AKAP17A: variants seen among roughly 807,000 people sequenced by gnomAD.
AKAP17A encodes the protein A-kinase anchor protein 17A.
AKAP17A carries 15 observed loss-of-function variants against 52.2 expected under a neutral mutation model. That is an observed-to-expected ratio of 0.29 (90% confidence interval 0.19 to 0.44). The LOEUF (loss-of-function observed/expected upper bound fraction) is 0.44, where lower values mean the gene tolerates loss of function less well. AKAP17A is among the 20% of genes least tolerant of loss of function. AKAP17A has a pLI of 1.00. For synonymous variants in AKAP17A, 514 were observed against 424.7 expected, an observed-to-expected ratio of 1.21 and a Z score of -2.58; for missense variants, 1,060 against 1,007.0, an observed-to-expected ratio of 1.05 and a Z score of -0.71.
intron 3 of AKAP17A, among the ~76,000 whole-genome samples, chrX:1,598,159 C>T (rs1339299514): frequency 1.3e-5 from 2 of 152,192 alleles, no homozygotes; most frequent in Non-Finnish European, 2.9e-5. Context: ...GTGTGCTGGG[C>T]TGCCCTGAGC....
In AKAP17A at chrX:1,601,571, C is replaced by T. The variant is rs1292783398; in HGVS notation, c.2065C>T (p.His689Tyr). The T allele has an allele frequency of 4.8e-6, 7 of 1,454,810 alleles. No homozygotes were observed. Among genetic ancestry groups the T allele is most frequent in the Non-Finnish European group, 5.4e-6 (6 of 1,111,954 alleles). 90.1% of individuals were successfully genotyped at this position (1,454,810 alleles called of 1,614,324 possible). ...GTCGCGCTCCCGGTCCCCGAGCAGGCACCGCAGTACCTGGAACAGGTAATG... is the reference window on the plus strand; with the variant it reads ...GTCGCGCTCCCGGTCCCCGAGCAGGTACCGCAGTACCTGGAACAGGTAATG... ...ERSRSRSPSR[H>Y]RSTWNR The change falls in exon 5 of 5, where the codon CAC (histidine) becomes TAC (tyrosine). Residue 689 changes from histidine (H) to tyrosine (Y), a missense_variant. Physicochemically the swap from His to Tyr is moderately conservative, Grantham distance 83. This residue lies in a region of AKAP17A where 793 missense variants were observed against 629.9 expected (regional missense o/e 1.26). Transcript: ENST00000313871.
In AKAP17A at chrX:1,601,191, C is replaced by A. The variant is rs373581385; in HGVS notation, c.1685C>A (p.Ala562Asp). ...DNNQQPKGIP[A>D]CEQNVSRKDT... ...AACCAACAGCCCAAGGGCATCCCTG[C>A]CTGCGAGCAGAATGTCTCCAGAAAG... is the stretch of plus-strand genomic sequence containing the variant. Residue 562 changes from alanine to aspartate, a missense_variant, in exon 5 of 5, where the codon GCC (alanine) becomes GAC (aspartate). By Grantham distance (126) the Ala-to-Asp change is moderately radical. This residue lies in a region of AKAP17A where 793 missense variants were observed against 629.9 expected (regional missense o/e 1.26). Coordinates refer to ENST00000313871, the MANE Select transcript of AKAP17A (RefSeq NM_005088.3). 4 of 1,613,794 alleles carry A rather than the reference C, an allele frequency of 2.5e-6. No individual in the cohort carries two copies. In the African/African-American group the frequency reaches 4.0e-5, roughly 16 times the overall value.
At chrX:1,596,251 C>G (rs1222687821) in intron 3 of AKAP17A, among the ~76,000 whole-genome samples, 5 of 141,928 alleles carry the variant, frequency 3.5e-5, no homozygotes. Context: ...AAACAAAAAA[C>G]CAATGATAGG....
At chrX:1,594,286 G>C (rs1932898271) in intron 2 of AKAP17A, 62 bp downstream of exon 2, 2 of 1,490,428 alleles carry the variant, frequency 1.3e-6, no homozygotes, top group Non-Finnish European at 1.8e-6. Flanking sequence ...CTTCCAGCAG[G>C]GTCAGCAGAA....
intron 3 of AKAP17A, among the ~76,000 whole-genome samples, chrX:1,596,510 T>A: frequency 8.5e-6 from 1 of 118,218 alleles, no homozygotes; most frequent in African/African-American, 3.3e-5. Flanking sequence ...CCTCCCACCC[T>A]CCTAGTGAGG....
At chrX:1,600,233 G>C in intron 4 of AKAP17A, 1 of 1,305,948 alleles carries the variant, frequency 7.7e-7, no homozygotes, top group Non-Finnish European at 1.0e-6. Flanking sequence ...ACTAACCCAG[G>C]CTAGGCCAGG....
rs375475140 is a variant in AKAP17A at position 1,600,627 on chromosome X, C to T, written c.1153-32C>T. 527 of 1,498,760 alleles carry T rather than the reference C, an allele frequency of 3.5e-4. 5 individuals carry two copies. Among genetic ancestry groups the T allele is most frequent in the South Asian group, 3.4e-3 (268 of 78,838 alleles). 92.8% of individuals were successfully genotyped at this position (1,498,760 alleles called of 1,614,324 possible). A position where few individuals can be genotyped will look rare whatever the true frequency, so the allele number is the denominator to read the frequency against. On this transcript the variant is annotated intron_variant, in intron 4 of 4. Transcript: ENST00000313871. ...CACGTGTCCGGCCAGGCTCAGGAAC[C>T]GGGCTCAGCTGCACTTTCCTCTTCC...
chrX:1,599,580 C>T (rs748904319), intron 4 of AKAP17A, 148 bp downstream of exon 4: 3 of 1,116,160 alleles, frequency 2.7e-6, no homozygotes, highest in South Asian at 2.7e-5. Flanking sequence ...GATGACGGCT[C>T]CTTCCCGGGA....
In AKAP17A at chrX:1,601,293, C is replaced by T; in HGVS notation, c.1787C>T (p.Ala596Val). ...GRGRATGDGL[A>V]DRHKRERSRA... is the part of the protein sequence containing the mutation. The stretch of plus-strand genomic sequence containing the variant: ...GGCCGGGCCACCGGAGACGGGCTTG[C>T]TGACCGGCACAAGCGGGAGAGGAGC... Residue 596 changes from alanine to valine, a missense_variant, in exon 5 of 5, where the codon GCT (alanine) becomes GTT (valine). Physicochemically the swap from Ala to Val is moderately conservative, Grantham distance 64. This residue lies in a region of AKAP17A where 793 missense variants were observed against 629.9 expected (regional missense o/e 1.26). Coordinates refer to ENST00000313871, the MANE Select transcript of AKAP17A (RefSeq NM_005088.3). The T allele has an allele frequency of 1.2e-6, 2 of 1,610,410 alleles. No homozygotes were observed. Among genetic ancestry groups the T allele is most frequent in the Non-Finnish European group, 1.7e-6 (2 of 1,178,986 alleles).
intron 2 of AKAP17A, among the ~76,000 whole-genome samples, chrX:1,595,058 C>A (rs1382180374): frequency 6.6e-6 from 1 of 152,166 alleles, no homozygotes; most frequent in Non-Finnish European, 1.5e-5. Flanking sequence ...ATGGTGGAGC[C>A]GGGTAGCGGA....
rs1181520516 is a variant in AKAP17A, at chrX:1,600,853, C to A, written c.1347C>A (p.Asp449Glu). The part of the protein sequence containing the change: ...LSILLSKKPD[D>E]SHTHDELGVA... ...TCCTGCTGAGCAAGAAGCCGGACGA[C>A]AGCCACACACACGACGAGCTGGGCG... The change falls in exon 5 of 5, where the codon GAC becomes GAA. Residue 449 changes from aspartate (D) to glutamate (E), a missense_variant. Physicochemically the swap from Asp to Glu is conservative, Grantham distance 45. Coordinates refer to ENST00000313871, the MANE Select transcript of AKAP17A (RefSeq NM_005088.3). 6 of 1,590,786 alleles carry A rather than the reference C, an allele frequency of 3.8e-6. No individual in the cohort carries two copies. The African/African-American group carries it at 8.0e-5, about 21-fold the overall frequency.
chrX:1,592,716 C>T (rs1257595690), intron 1 of AKAP17A, among the ~76,000 whole-genome samples: 4 of 152,138 alleles, frequency 2.6e-5, no homozygotes, highest in Non-Finnish European at 4.4e-5. Flanking sequence ...GTGAAGCTTC[C>T]TCTACTTGGA....
At chrX:1,593,344 C>G (rs1321161948) in intron 1 of AKAP17A, 100 bp from the exon 2 acceptor site, 12 of 1,208,120 alleles carry the variant, frequency 9.9e-6, no homozygotes, top group South Asian at 7.1e-5. Context: ...ACTGCTGTTT[C>G]TCTTCTCCGG....
rs752093256 is a variant in AKAP17A at position 1,601,142 on chromosome X, G to A, written c.1636G>A (p.Val546Ile). 1.1e-5 allele frequency: 17 copies of A among 1,613,804 alleles called. No homozygotes were observed. Among genetic ancestry groups the A allele is most frequent in the South Asian group, 3.3e-5 (3 of 91,084 alleles). Residue 546 changes from valine (V) to isoleucine (I), a missense_variant, in exon 5 of 5, where the codon GTC becomes ATC. Physicochemically the swap from Val to Ile is conservative, Grantham distance 29. Transcript: ENST00000313871. ...TCCAGAGAAGAGGTGCCCGGGCGGC[G>A]TCCTCTCCTGCATTCCTGACAACAA... ...GSPEKRCPGG[V>I]LSCIPDNNQQ...
intron 3 of AKAP17A, 141 bp downstream of exon 3, chrX:1,595,673 C>T: frequency 1.5e-6 from 2 of 1,328,632 alleles, no homozygotes; most frequent in East Asian, 2.3e-5. Context: ...TACCTGTGTG[C>T]ATGGACGCAC....
At chrX:1,594,254 G>A (rs777137818) in intron 2 of AKAP17A, 30 bp downstream of exon 2, 10 of 1,501,234 alleles carry the variant, frequency 6.7e-6, no homozygotes, top group South Asian at 4.1e-5. Flanking sequence ...AGAGCCACGC[G>A]CTTCCTCCCT....
In AKAP17A at chrX:1,601,720, C is replaced by T; in HGVS notation, c.*126C>T. On this transcript the variant is annotated 3_prime_UTR_variant, in exon 5 of 5. Coordinates refer to ENST00000313871, the MANE Select transcript of AKAP17A (RefSeq NM_005088.3). ...AAGACCCTTCTGCAGCCACGAATGT[C>T]CACGGAGCCCGCCGGCAGGAAGGAA... The T allele has an allele frequency of 2.3e-6, 2 of 867,562 alleles. No individual in the cohort carries two copies. The highest frequency in any genetic ancestry group is 3.2e-5 in the East Asian group (1 of 31,660). The allele number at this position is 867,562 out of a possible 1,614,324, so 53.7% of individuals were successfully genotyped here. A position where few individuals can be genotyped will look rare whatever the true frequency, so the allele number is the denominator to read the frequency against.
At chrX:1,600,121 C>T (rs1933275368) in intron 4 of AKAP17A, 8 of 1,301,122 alleles carry the variant, frequency 6.1e-6, no homozygotes, top group East Asian at 5.4e-5. Context: ...ACCCCATAAC[C>T]TGTTGTCTGA....
intron 3 of AKAP17A, among the ~76,000 whole-genome samples, chrX:1,598,971 A>G (rs1160480347): frequency 6.6e-6 from 1 of 152,070 alleles, no homozygotes; most frequent in Non-Finnish European, 1.5e-5. Context: ...GGTCACACTT[A>G]GCAGGACGGT....
Sources: allele counts gnomAD v4.1 joint callset (sites outside exome capture counted in the v4.1 genomes callset), GRCh38; gene constraint gnomAD v4.1.1; regional missense constraint gnomAD v4.1.1; transcripts MANE v1.5; gene names NCBI Gene and HGNC (gene_info 2026-07-23, HGNC 2026-07-21).